The following SLC25A29 variants were observed in gnomAD, a reference collection of about 807,000 sequenced individuals.
The protein encoded by SLC25A29 is solute carrier family 25 member 29.
Under a neutral mutation model 10.0 loss-of-function variants are expected in SLC25A29, and 13 were observed. The observed-to-expected ratio is 1.30, with a 90% CI of 0.85 to 2.07. The LOEUF (loss-of-function observed/expected upper bound fraction) is 2.07, where lower values mean the gene tolerates loss of function less well. Among genes scored for constraint, SLC25A29 ranks in the 30% most tolerant of loss-of-function variants. SLC25A29 has a pLI of 0.00. For synonymous variants in SLC25A29, 244 were observed against 221.1 expected (o/e 1.10, Z -0.92); for missense variants, 475 against 447.6 (o/e 1.06, Z -0.55).
In SLC25A29 at chr14:100,293,291, C is replaced by T. The variant is rs780982641; in HGVS notation, c.162+3G>A. On this transcript the variant is annotated splice_donor_region_variant and intron_variant, in intron 3 of 3. Transcript: ENST00000359232. ...CCGAGCCCCACCAGCCCAGGCCACT[C>T]ACGCTCTCTTGCTTGATGATGGACT... The T allele has an allele frequency of 1.9e-6, 3 of 1,612,930 alleles. No individual in the cohort carries two copies. Among genetic ancestry groups the T allele is most frequent in the Non-Finnish European group, 2.5e-6 (3 of 1,179,936 alleles).
At chr14:100,301,790 G>A (rs1049771973) in intron 1 of SLC25A29, among the ~76,000 whole-genome samples, 1 of 151,562 alleles carries the variant, frequency 6.6e-6, no homozygotes, top group African/African-American at 2.4e-5. Flanking sequence ...GATTACAGGT[G>A]TGAGCCACCA....
At chr14:100,289,855 AG>A (rs1407135907), downstream of SLC25A29, among the ~76,000 whole-genome samples, 5 of 150,830 alleles carry the variant, frequency 3.3e-5, no homozygotes, top group African/African-American at 1.2e-4. Flanking sequence ...AAAAAAAAAA[AG>A]TTCAAATCAG....
At chr14:100,281,645 G>C in the SLC25A29 span, 1 of 151,970 alleles carries the variant, frequency 6.6e-6, no homozygotes. Context: ...GACTTTACAG[G>C]ACAAAAGGTA....
At chr14:100,293,523 G>T in intron 2 of SLC25A29, 146 bp from the exon 3 acceptor site, 1 of 645,676 alleles carries the variant, frequency 1.5e-6, no homozygotes, top group Non-Finnish European at 2.7e-6. Context: ...CCAGGGCAGG[G>T]TGGGCCGGGT....
chr14:100,283,483 CTTTTT>C, the SLC25A29 span, among the ~76,000 whole-genome samples: 1 of 128,604 alleles, frequency 7.8e-6, no homozygotes, highest in Non-Finnish European at 1.7e-5. Flanking sequence ...TTTGGAATTG[CTTTTT>C]TTTTTTTTTT....
chr14:100,286,391 T>A (rs189910939), downstream of SLC25A29, among the ~76,000 whole-genome samples: 1 of 151,770 alleles, frequency 6.6e-6, no homozygotes, highest in Admixed American at 6.6e-5. Context: ...CAAGCCAGAT[T>A]TGAACTTACT....
At chr14:100,298,124 G>C (rs902596237) in intron 2 of SLC25A29, 1 of 153,810 alleles carries the variant, frequency 6.5e-6, no homozygotes, top group Non-Finnish European at 1.4e-5. Context: ...TCAGTGGGAA[G>C]AGCGGCCACG....
chr14:100,292,391 G>C lies in SLC25A29; in HGVS notation c.804C>G (p.Thr268=), dbSNP rs200832152. Residue 268 remains threonine, a synonymous_variant, in exon 4 of 4, where the codon ACC becomes ACG. Coordinates refer to ENST00000359232, the MANE Select transcript of SLC25A29 (RefSeq NM_001039355.3). ...AFPVNAATFA[T]VTVVLTYARG... The stretch of plus-strand genomic sequence containing the variant: ...GCGCGTAGGTGAGCACCACCGTGAC[G>C]GTGGCGAAGGTGGCAGCGTTGACGG... The C allele has an allele frequency of 1.9e-6, 3 of 1,565,836 alleles. No individual in the cohort carries two copies. The African/African-American group carries it at 4.0e-5, about 21-fold the overall frequency.
At chr14:100,279,619 G>A in the SLC25A29 span, 1 of 152,250 alleles carries the variant, frequency 6.6e-6, no homozygotes, top group African/African-American at 2.4e-5. Flanking sequence ...CTTCAGTGCC[G>A]AGGGCTCGGA....
In SLC25A29 at chr14:100,292,537, C is replaced by T. The variant is rs1213474402; in HGVS notation, c.658G>A (p.Asp220Asn). 1.3e-6 allele frequency: 2 copies of T among 1,596,540 alleles called. No individual in the cohort carries two copies. The highest frequency in any genetic ancestry group is 2.3e-5 in the East Asian group (1 of 43,936). Reference protein sequence around the residue: ...VDVVKSRLQADGLRGAPRYRG... With the variant: ...VDVVKSRLQANGLRGAPRYRG... ...TAGCGCGGGGCGCCCCGCAGTCCGT[C>T]CGCCTGCAGCCGCGACTTGACCACG... Residue 220 changes from aspartate (D) to asparagine (N), a missense_variant, in exon 4 of 4, where the codon GAC becomes AAC. Physicochemically the swap from Asp to Asn is conservative, Grantham distance 23. Transcript: ENST00000359232.
intron 2 of SLC25A29, 41 bp downstream of exon 2, chr14:100,298,801 A>C: frequency 3.7e-6 from 6 of 1,613,976 alleles, no homozygotes; most frequent in Non-Finnish European, 5.1e-6. Context: ...GCCTCTCTCC[A>C]ATGTACGCGC....
At position 100,292,343 on chromosome 14, in the gene SLC25A29, C is replaced by T. The variant is rs1891765772; in HGVS notation, c.852G>A (p.Glu284=). The change falls in exon 4 of 4, where the codon GAG becomes GAA. Residue 284 remains glutamate, a synonymous_variant. Transcript: ENST00000359232. ...CAGGGGCGGCGGGCACAGCCTCGCC[C>T]TCGGGCCCGGCCTCCTCGCCGCGCG... The part of the protein sequence containing the change: ...TYARGEEAGP[E]GEAVPAAPAG... The T allele has an allele frequency of 2.0e-6, 3 of 1,495,762 alleles. No homozygotes were observed. Among genetic ancestry groups the T allele is most frequent in the Non-Finnish European group, 2.7e-6 (3 of 1,128,152 alleles). 92.7% of individuals were successfully genotyped at this position (1,495,762 alleles called of 1,614,324 possible).
downstream of SLC25A29, among the ~76,000 whole-genome samples, chr14:100,287,440 C>T (rs1212561419): frequency 6.6e-6 from 1 of 152,198 alleles, no homozygotes; most frequent in Non-Finnish European, 1.5e-5. Flanking sequence ...AATGCCTTGG[C>T]AGTGCCGTTT....
At chr14:100,299,080 T>C in intron 1 of SLC25A29, 195 bp from the exon 2 acceptor site, 1 of 1,428,610 alleles carries the variant, frequency 7.0e-7, no homozygotes, top group South Asian at 1.5e-5. Context: ...AGGGTATGCA[T>C]GTGACATCCC....
chr14:100,305,707 G>C (rs1406130298), intron 1 of SLC25A29: 1 of 149,714 alleles, frequency 6.7e-6, no homozygotes, highest in Non-Finnish European at 1.5e-5. Flanking sequence ...CTCGGCGCCA[G>C]AGTGGTTCAG....
At chr14:100,302,379 TGA>T in intron 1 of SLC25A29, among the ~76,000 whole-genome samples, 1 of 150,422 alleles carries the variant, frequency 6.6e-6, no homozygotes, top group Middle Eastern at 3.4e-3. Context: ...TTTTTTTTTT[TGA>T]GATAGTCTTG....
chr14:100,296,289 C>T (rs1226162114), intron 2 of SLC25A29: 1 of 309,488 alleles, frequency 3.2e-6, no homozygotes, highest in African/African-American at 2.2e-5. Flanking sequence ...ATGAGCTAGG[C>T]ATGGTGGTGT....
the SLC25A29 span, among the ~76,000 whole-genome samples, chr14:100,284,472 C>T: frequency 6.6e-6 from 1 of 152,194 alleles, no homozygotes. Context: ...TGAACTGCAG[C>T]GGTTCCCTAC....
At position 100,298,902 on chromosome 14, in the gene SLC25A29, G is replaced by C; in HGVS notation, c.35-17C>G. 1.2e-6 allele frequency: 2 copies of C among 1,614,130 alleles called. No homozygotes were observed. Among genetic ancestry groups the C allele is most frequent in the Non-Finnish European group, 1.7e-6 (2 of 1,179,978 alleles). On this transcript the variant is annotated splice_polypyrimidine_tract_variant and intron_variant, in intron 1 of 3. Transcript: ENST00000359232. The stretch of plus-strand genomic sequence containing the variant: ...CTGCCACACCTGGAGGAGGAGAGGG[G>C]GACTTGTGACCCACATACCTCAGAA...
Sources: allele counts gnomAD v4.1 joint callset (sites outside exome capture counted in the v4.1 genomes callset), GRCh38; gene constraint gnomAD v4.1.1; transcripts MANE v1.5; gene names NCBI Gene and HGNC (gene_info 2026-07-23, HGNC 2026-07-21).